The following TSHR variants were observed in gnomAD, a reference collection of about 807,000 sequenced individuals.
TSHR encodes thyrotropin receptor.
TSHR carries 51 observed loss-of-function variants against 64.1 expected under a neutral mutation model. That is an observed-to-expected ratio of 0.80 (90% CI 0.64 to 1.01). TSHR has a LOEUF of 1.01. Among genes scored for constraint, TSHR ranks in the 50% least tolerant of loss-of-function variants. TSHR has a pLI of 0.00. For missense variants in TSHR, 877 were observed against 942.8 expected (o/e 0.93, Z 0.91); for synonymous variants, 361 against 361.9 (o/e 1.00, Z 0.03).
intron 1 of TSHR, among the ~76,000 whole-genome samples, chr14:80,973,579 T>G (rs1197332464): frequency 6.6e-6 from 1 of 152,074 alleles, no homozygotes; most frequent in Non-Finnish European, 1.5e-5. Flanking sequence ...CTCATGGCAA[T>G]CTTAGGCAAC....
At chr14:81,085,864 C>T (rs1888249667) in intron 3 of TSHR, among the ~76,000 whole-genome samples, 1 of 152,126 alleles carries the variant, frequency 6.6e-6, no homozygotes, top group African/African-American at 2.4e-5. Context: ...AAGAGAGAAC[C>T]ACCTCAACAG....
chr14:80,982,260 G>T, intron 1 of TSHR: 1 of 712,602 alleles, frequency 1.4e-6, no homozygotes, highest in Non-Finnish European at 2.3e-6. Context: ...TCAGTCCCGA[G>T]GCTGGGAATG....
At chr14:81,129,779 C>A (rs772970329) in intron 8 of TSHR, among the ~76,000 whole-genome samples, 1 of 152,176 alleles carries the variant, frequency 6.6e-6, no homozygotes, top group Non-Finnish European at 1.5e-5. Context: ...TCCTCTCTTC[C>A]GTATTTTAAG....
intron 1 of TSHR, among the ~76,000 whole-genome samples, chr14:80,967,188 A>G (rs1966425): frequency 2.6e-3 from 17 of 6,534 alleles, no homozygotes; most frequent in Non-Finnish European, 0.014. Flanking sequence ...ATGTATGTGT[A>G]TATATATATA....
intron 6 of TSHR, 75 bp from the exon 7 acceptor site, chr14:81,096,564 T>C: frequency 7.0e-6 from 10 of 1,438,448 alleles, no homozygotes; most frequent in Non-Finnish European, 8.8e-6. Context: ...TGAAGAAATA[T>C]AGTCCAACTC....
intron 3 of TSHR, among the ~76,000 whole-genome samples, chr14:81,075,447 A>G (rs1887425196): frequency 6.6e-6 from 1 of 152,252 alleles, no homozygotes; most frequent in African/African-American, 2.4e-5. Context: ...TTCATTCAAT[A>G]AATACAGTAT....
intron 8 of TSHR, among the ~76,000 whole-genome samples, chr14:81,120,449 G>T (rs922954288): frequency 1.3e-5 from 2 of 152,102 alleles, no homozygotes; most frequent in Non-Finnish European, 2.9e-5. Flanking sequence ...CATTATAAAT[G>T]GGATTGTTTT....
intron 2 of TSHR, among the ~76,000 whole-genome samples, chr14:81,065,112 GTCC>G (rs888630304): frequency 6.6e-6 from 1 of 152,068 alleles, no homozygotes; most frequent in African/African-American, 2.4e-5. Context: ...CAAAGCGAGA[GTCC>G]TCCTAGTCCA....
At chr14:80,977,583 T>G (rs1887944411) in intron 1 of TSHR, among the ~76,000 whole-genome samples, 1 of 152,216 alleles carries the variant, frequency 6.6e-6, no homozygotes, top group South Asian at 2.1e-4. Context: ...TACTGTATTT[T>G]GATTCTTCTA....
chr14:81,097,460 C>T (rs1889280645), intron 7 of TSHR, among the ~76,000 whole-genome samples: 1 of 152,160 alleles, frequency 6.6e-6, no homozygotes, highest in African/African-American at 2.4e-5. Flanking sequence ...GGGCATCAGA[C>T]CCTCTGAGAG....
rs2139999335 is a variant in TSHR at position 81,096,723 on chromosome 14, C to A, written c.614+16C>A. ...TGGATGCTGTGTAAGTCAAGGGTAG[C>A]CATGAAAACTGTCACTTTCCCTTAC... On this transcript the variant is annotated intron_variant, in intron 7 of 9. Transcript: ENST00000298171. 6.2e-7 allele frequency: 1 copy of A among 1,612,420 alleles called. No individual in the cohort carries two copies. The highest frequency in any genetic ancestry group is 8.5e-7 in the Non-Finnish European group (1 of 1,178,858).
intron 7 of TSHR, among the ~76,000 whole-genome samples, chr14:81,099,716 G>C (rs779893132): frequency 6.6e-6 from 1 of 152,128 alleles, no homozygotes; most frequent in East Asian, 1.9e-4. Flanking sequence ...TGACAAAAAT[G>C]CTGGGATGAT....
chr14:81,106,817 C>T (rs1043224374), intron 7 of TSHR, among the ~76,000 whole-genome samples: 10 of 151,792 alleles, frequency 6.6e-5, no homozygotes, highest in African/African-American at 1.9e-4. Context: ...TGATGGCGAT[C>T]GCCTGTAGTC....
At chr14:80,969,479 C>T (rs768831261) in intron 1 of TSHR, among the ~76,000 whole-genome samples, 7 of 152,122 alleles carry the variant, frequency 4.6e-5, no homozygotes, top group Non-Finnish European at 8.8e-5. Context: ...GGAAATGGTC[C>T]AGTATAATCA....
chr14:81,071,849 C>T (rs1314446184), intron 3 of TSHR, among the ~76,000 whole-genome samples: 2 of 152,176 alleles, frequency 1.3e-5, no homozygotes, highest in East Asian at 1.9e-4. Flanking sequence ...ACTCCATTTA[C>T]ATTTTGTTTG....
At chr14:81,017,782 C>T (rs866073811) in intron 1 of TSHR, among the ~76,000 whole-genome samples, 2 of 151,124 alleles carry the variant, frequency 1.3e-5, no homozygotes, top group Admixed American at 6.6e-5. Context: ...TTTGTGCTGT[C>T]ACTTCCCCTG....
At chr14:80,982,116 G>GCA (rs1293760878) in intron 1 of TSHR, 1 of 560,734 alleles carries the variant, frequency 1.8e-6, no homozygotes, top group Non-Finnish European at 3.3e-6. Flanking sequence ...CTGGGCCAAA[G>GCA]CAAAAGACAA....
At chr14:81,026,861 C>A (rs992950529) in intron 1 of TSHR, among the ~76,000 whole-genome samples, 2 of 151,904 alleles carry the variant, frequency 1.3e-5, no homozygotes, top group Non-Finnish European at 2.9e-5. Context: ...CACAGTGAAA[C>A]CTCGTCTCTA....
intron 1 of TSHR, among the ~76,000 whole-genome samples, chr14:80,976,036 C>T (rs901227696): frequency 2.0e-4 from 31 of 152,020 alleles, no homozygotes; most frequent in African/African-American, 6.3e-4. Context: ...CTCAGCCTCC[C>T]GAGTAGCTGG....
Sources: gnomAD v4.1 joint callset for allele counts (sites outside exome capture counted in the v4.1 genomes callset) on GRCh38, gnomAD v4.1.1 for gene constraint, MANE v1.5 for transcripts, NCBI Gene and HGNC (gene_info 2026-07-23, HGNC 2026-07-21) for gene names.